Variants in KIAA1217 observed in about 807,000 individuals in gnomAD.
The protein encoded by KIAA1217 is KIAA1217.
A neutral mutation model predicts 163.9 loss-of-function variants in KIAA1217; 88 were observed. The ratio of observed to expected loss-of-function variants is 0.54; its 90% CI spans 0.45 to 0.64. KIAA1217 has a LOEUF of 0.64. Ranked by LOEUF, KIAA1217 falls within the 30% of genes least tolerant of loss-of-function variation. KIAA1217 has a pLI of 0.00. For missense variants in KIAA1217, 2,372 were observed against 2,475.0 expected (o/e 0.96, Z 0.88); for synonymous variants, 903 against 923.1 (o/e 0.98, Z 0.39).
chr10:23,756,518 G>A (rs1833931218), intron 1 of KIAA1217, among the ~76,000 whole-genome samples: 1 of 152,098 alleles, frequency 6.6e-6, no homozygotes, highest in Non-Finnish European at 1.5e-5. Context: ...CCAAACACAG[G>A]TGCAATGTTT....
intron 6 of KIAA1217, among the ~76,000 whole-genome samples, chr10:24,489,883 AAAG>A (rs1160271790): frequency 2.7e-5 from 4 of 150,152 alleles, no homozygotes; most frequent in South Asian, 2.1e-4. Context: ...AAAAAAAAAA[AAAG>A]GTTCTATAAA....
At chr10:23,875,875 C>T (rs1179031971) in intron 1 of KIAA1217, among the ~76,000 whole-genome samples, 2 of 147,930 alleles carry the variant, frequency 1.4e-5, no homozygotes, top group African/African-American at 5.0e-5. Flanking sequence ...TGCATGTCCT[C>T]ACTCATAGGT....
At chr10:23,883,432 A>C (rs1312526131) in intron 1 of KIAA1217, among the ~76,000 whole-genome samples, 1 of 151,958 alleles carries the variant, frequency 6.6e-6, no homozygotes, top group Non-Finnish European at 1.5e-5. Flanking sequence ...TGCTGTGGAC[A>C]AAAGAAAATG....
chr10:23,807,506 A>T (rs930604853), intron 1 of KIAA1217, among the ~76,000 whole-genome samples: 1 of 152,214 alleles, frequency 6.6e-6, no homozygotes, highest in Admixed American at 6.5e-5. Flanking sequence ...TCAAGTTTAG[A>T]AGCCAGAATC....
intron 1 of KIAA1217, among the ~76,000 whole-genome samples, chr10:23,783,152 A>T (rs949297635): frequency 6.6e-6 from 1 of 152,190 alleles, no homozygotes; most frequent in African/African-American, 2.4e-5. Flanking sequence ...GCCTTGGGCC[A>T]CACATAAAAT....
Position 23,863,977 on chromosome 10 carries a change from G to A in KIAA1217, c.-320-143248G>A, listed in dbSNP as rs568911744. 3.9e-5 allele frequency among the ~76,000 whole-genome samples: 6 copies of A among 152,136 alleles called. No individual in the cohort carries two copies. In the South Asian group the frequency reaches 1.2e-3, roughly 32 times the overall value. The stretch of plus-strand genomic sequence containing the variant: ...CTGTAATAAAAATGAAATGACAGTA[G>A]GAATAAATGCAATGGTTTACCTTGT... On this transcript the variant is annotated intron_variant, in intron 1 of 18. Coordinates refer to the KIAA1217 transcript ENST00000376462.
intron 1 of KIAA1217, among the ~76,000 whole-genome samples, chr10:23,930,821 C>T (rs376061035): frequency 6.6e-5 from 10 of 152,162 alleles, no homozygotes; most frequent in Admixed American, 3.9e-4. Context: ...GGATTTCCTG[C>T]CCTTAACAAT....
chr10:24,034,323 C>T (rs1480725318), intron 2 of KIAA1217, among the ~76,000 whole-genome samples: 2 of 151,964 alleles, frequency 1.3e-5, no homozygotes, highest in African/African-American at 2.4e-5. Context: ...CTTTGGGAGC[C>T]CAAGGTGGGG....
intron 2 of KIAA1217, among the ~76,000 whole-genome samples, chr10:24,233,107 A>T (rs1283082407): frequency 2.0e-5 from 3 of 152,220 alleles, no homozygotes; most frequent in Admixed American, 2.0e-4. Flanking sequence ...CCTGGGTGAC[A>T]AAGCAAGACC....
chr10:23,740,357 C>T (rs76392138), intron 1 of KIAA1217, among the ~76,000 whole-genome samples: 7 of 152,056 alleles, frequency 4.6e-5, no homozygotes, highest in African/African-American at 1.7e-4. Context: ...CATGTAAGCA[C>T]GTATTAGATT....
At chr10:23,855,830 A>C (rs547597286) in intron 1 of KIAA1217, among the ~76,000 whole-genome samples, 1 of 151,980 alleles carries the variant, frequency 6.6e-6, no homozygotes, top group South Asian at 2.1e-4. Context: ...TGCATTCTTC[A>C]TGTAGTTCTC....
rs1390021622 is a variant in KIAA1217, at chr10:23,828,179, A to G, written c.-321+132945A>G. On this transcript the variant is annotated intron_variant, in intron 1 of 18. Coordinates refer to the KIAA1217 transcript ENST00000376462. ...CCCTTGTTTAGTTCGGAGCTATGCC[A>G]AACTCTGAAAATCTCCCCAAAACAC... 2.0e-5 allele frequency among the ~76,000 whole-genome samples: 3 copies of G among 152,318 alleles called. No individual in the cohort carries two copies. The East Asian group carries it at 5.8e-4, about 29-fold the overall frequency.
intron 4 of KIAA1217, among the ~76,000 whole-genome samples, chr10:24,437,766 T>C (rs1377188730): frequency 1.3e-5 from 2 of 151,144 alleles, no homozygotes; most frequent in Non-Finnish European, 2.9e-5. Flanking sequence ...ATTCGATTTG[T>C]ATATAGAAAA....
chr10:24,117,632 C>G (rs1017567223), intron 2 of KIAA1217, among the ~76,000 whole-genome samples: 1 of 152,070 alleles, frequency 6.6e-6, no homozygotes, highest in African/African-American at 2.4e-5. Flanking sequence ...GAGATCCTGT[C>G]TCAAAAATAA....
At chr10:24,035,705 A>G (rs968099559) in intron 2 of KIAA1217, among the ~76,000 whole-genome samples, 14 of 152,240 alleles carry the variant, frequency 9.2e-5, no homozygotes, top group African/African-American at 3.4e-4. Flanking sequence ...CTCTATTTCC[A>G]TGTTCAAAAC....
At chr10:24,112,257 A>C (rs920877394) in intron 2 of KIAA1217, among the ~76,000 whole-genome samples, 2 of 152,242 alleles carry the variant, frequency 1.3e-5, no homozygotes, top group African/African-American at 4.8e-5. Flanking sequence ...AACTAGCTTT[A>C]CTTTCTTCCA....
intron 1 of KIAA1217, among the ~76,000 whole-genome samples, chr10:24,215,769 T>C (rs538102182): frequency 6.6e-6 from 1 of 152,236 alleles, no homozygotes; most frequent in African/African-American, 2.4e-5. Context: ...AGTGCCTTTG[T>C]GTGGAAAGTG....
intron 1 of KIAA1217, among the ~76,000 whole-genome samples, chr10:23,832,815 T>A (rs1220859231): frequency 6.6e-6 from 1 of 152,090 alleles, no homozygotes; most frequent in African/African-American, 2.4e-5. Context: ...AAGAAAGAGG[T>A]TTAATGGACT....
chr10:24,105,249 T>C (rs991716121), intron 2 of KIAA1217, among the ~76,000 whole-genome samples: 3 of 152,064 alleles, frequency 2.0e-5, no homozygotes, highest in African/African-American at 7.2e-5. Flanking sequence ...AAAAACTGAC[T>C]CAGGGAACAC....
Sources: gnomAD v4.1 joint callset for allele counts (sites outside exome capture counted in the v4.1 genomes callset) on GRCh38, gnomAD v4.1.1 for gene constraint, MANE v1.5 for transcripts, NCBI Gene and HGNC (gene_info 2026-07-23, HGNC 2026-07-21) for gene names.